Variants in MTUS2 observed in about 807,000 individuals in gnomAD.
The protein encoded by MTUS2 is microtubule associated scaffold protein 2, also known as microtubule-associated tumor suppressor candidate 2.
In MTUS2, 40 loss-of-function variants were observed where a neutral mutation model predicts 114.1. That is an observed-to-expected ratio of 0.35 (90% CI 0.27 to 0.46). The LOEUF (loss-of-function observed/expected upper bound fraction) is 0.46, where lower values mean the gene tolerates loss of function less well. Ranked by LOEUF, MTUS2 falls within the 20% of genes least tolerant of loss-of-function variation. The probability of loss-of-function intolerance (pLI) is 1.00; values close to 1 mark genes in which losing one functional copy is unlikely to be tolerated. For synonymous variants in MTUS2, 688 were observed against 672.0 expected (o/e 1.02, Z -0.37); for missense variants, 1,679 against 1,705.4 (o/e 0.98, Z 0.27).
intron 2 of MTUS2, among the ~76,000 whole-genome samples, chr13:28,948,137 T>C (rs1167052767): frequency 6.6e-6 from 1 of 152,194 alleles, no homozygotes; most frequent in Non-Finnish European, 1.5e-5. Flanking sequence ...CAAAATAATT[T>C]TGCTGTTAAT....
intron 2 of MTUS2, among the ~76,000 whole-genome samples, chr13:29,022,678 G>A (rs984450824): frequency 2.0e-5 from 3 of 152,172 alleles, no homozygotes; most frequent in Non-Finnish European, 4.4e-5. Flanking sequence ...TCTCCATTGG[G>A]GGAATTGGTG....
intron 2 of MTUS2, among the ~76,000 whole-genome samples, chr13:28,986,576 C>T (rs886235840): frequency 5.9e-5 from 9 of 152,292 alleles, no homozygotes; most frequent in Non-Finnish European, 1.0e-4. Flanking sequence ...GAATTTTGGG[C>T]TACTCTCCCG....
intron 4 of MTUS2, among the ~76,000 whole-genome samples, chr13:29,099,434 C>T (rs78999022): frequency 2.6e-3 from 389 of 152,260 alleles, no homozygotes; most frequent in African/African-American, 8.9e-3. Context: ...GCCTCACTTT[C>T]GGGGGAGCTG....
chr13:29,378,833 C>T (rs1405359851), intron 8 of MTUS2, among the ~76,000 whole-genome samples: 1 of 152,112 alleles, frequency 6.6e-6, no homozygotes, highest in East Asian at 1.9e-4. Context: ...TCACTTCATG[C>T]TATGGTCTAG....
At chr13:29,132,238 C>G (rs1245161236) in intron 5 of MTUS2, among the ~76,000 whole-genome samples, 1 of 152,194 alleles carries the variant, frequency 6.6e-6, no homozygotes, top group African/African-American at 2.4e-5. Context: ...AGAGATACAG[C>G]CTGATCCTGG....
intron 8 of MTUS2, among the ~76,000 whole-genome samples, chr13:29,364,895 A>C (rs1375259514): frequency 1.3e-5 from 2 of 152,228 alleles, no homozygotes; most frequent in Non-Finnish European, 2.9e-5. Flanking sequence ...CTCTGCGATT[A>C]TCTTCTCTTC....
intron 2 of MTUS2, among the ~76,000 whole-genome samples, chr13:28,990,752 C>T (rs1884807873): frequency 6.6e-6 from 1 of 152,250 alleles, no homozygotes; most frequent in Admixed American, 6.5e-5. Context: ...CGGCAACCCA[C>T]TTGGGTCCCC....
At chr13:29,217,038 C>G (rs1895709808) in intron 5 of MTUS2, among the ~76,000 whole-genome samples, 1 of 152,120 alleles carries the variant, frequency 6.6e-6, no homozygotes, top group South Asian at 2.1e-4. Flanking sequence ...TAATATTTTC[C>G]ATAATTTGAT....
At chr13:28,971,623 G>A (rs148560555) in intron 2 of MTUS2, among the ~76,000 whole-genome samples, 30 of 152,208 alleles carry the variant, frequency 2.0e-4, no homozygotes, top group African/African-American at 7.0e-4. Flanking sequence ...TATATAATGG[G>A]GTGCAGACAT....
chr13:29,488,128 G>A (rs1881769499), intron 11 of MTUS2, 123 bp downstream of exon 11: 1 of 738,108 alleles, frequency 1.4e-6, no homozygotes, highest in Non-Finnish European at 2.3e-6. Context: ...CCCTCCTGGT[G>A]CATTTTTTCC....
chr13:28,926,508 A>C (rs982351510), intron 2 of MTUS2, among the ~76,000 whole-genome samples: 1 of 152,210 alleles, frequency 6.6e-6, no homozygotes, highest in Non-Finnish European at 1.5e-5. Context: ...TAATCAAATA[A>C]GACAACTTGT....
chr13:29,164,934 AT>A (rs1893253287), intron 5 of MTUS2, among the ~76,000 whole-genome samples: 3 of 152,348 alleles, frequency 2.0e-5, no homozygotes, highest in Admixed American at 1.3e-4. Flanking sequence ...GTAGAAATGT[AT>A]TGTTCTGAAA....
rs546310796 is a variant in MTUS2 at position 28,853,054 on chromosome 13, G to T, written c.-243+13204G>T. On this transcript the variant is annotated intron_variant, in intron 2 of 15. Transcript: ENST00000612955. ...GATGGCATCTGATGATCTGAAAAAG[G>T]TCTGAGATTGTATTCTAATCAACAG... Among the ~76,000 whole-genome samples, 10 of 123,944 alleles carry T rather than the reference G, an allele frequency of 8.1e-5. No homozygotes were observed. The East Asian group carries it at 1.9e-3, about 24-fold the overall frequency. 81.3% of individuals were successfully genotyped at this position (123,944 alleles called of 152,430 possible).
intron 5 of MTUS2, among the ~76,000 whole-genome samples, chr13:29,196,010 G>A (rs759399483): frequency 2.6e-5 from 4 of 152,122 alleles, no homozygotes; most frequent in Non-Finnish European, 4.4e-5. Flanking sequence ...GCAACATTGG[G>A]GAGGATGGAT....
At chr13:28,824,693 C>T (rs1223916686) in intron 1 of MTUS2, among the ~76,000 whole-genome samples, 1 of 150,218 alleles carries the variant, frequency 6.7e-6, no homozygotes, top group East Asian at 1.9e-4. Flanking sequence ...TAAACACCAT[C>T]CAACAAAAAA....
chr13:28,875,987 G>A (rs1482221817), intron 2 of MTUS2, among the ~76,000 whole-genome samples: 1 of 152,248 alleles, frequency 6.6e-6, no homozygotes, highest in East Asian at 1.9e-4. Flanking sequence ...GCAGCTGCCT[G>A]CACACCATTA....
intron 1 of MTUS2, among the ~76,000 whole-genome samples, chr13:28,829,182 A>T (rs1874485844): frequency 6.6e-6 from 1 of 152,164 alleles, no homozygotes; most frequent in Non-Finnish European, 1.5e-5. Context: ...TCATTTTTAA[A>T]CTTACCTTAT....
chr13:29,308,352 T>C lies in MTUS2; in HGVS notation c.2807-16261T>C, dbSNP rs140741982. ...TGGTGCTGGGAGTGCTGGCTAGCCATATGCAGAAAAACGAAAATGGACCCC... is the reference window on the plus strand; with the variant it reads ...TGGTGCTGGGAGTGCTGGCTAGCCACATGCAGAAAAACGAAAATGGACCCC... On this transcript the variant is annotated intron_variant, in intron 6 of 15. Transcript: ENST00000612955. Among the ~76,000 whole-genome samples the C allele has an allele frequency of 4.0e-3, 606 of 152,292 alleles. 1 individual carries two copies. The highest frequency in any genetic ancestry group is 0.014 in the African/African-American group (571 of 41,554).
At chr13:29,268,648 A>AC (rs536047075) in intron 5 of MTUS2, among the ~76,000 whole-genome samples, 55 of 151,078 alleles carry the variant, frequency 3.6e-4, no homozygotes, top group Middle Eastern at 3.4e-3. Context: ...CACAACATCT[A>AC]CCCCACACTC....
Sources: gnomAD v4.1 joint callset for allele counts (sites outside exome capture counted in the v4.1 genomes callset) on GRCh38, gnomAD v4.1.1 for gene constraint, MANE v1.5 for transcripts, NCBI Gene and HGNC (gene_info 2026-07-23, HGNC 2026-07-21) for gene names.